RGS7: variants seen among roughly 807,000 people sequenced by gnomAD.
RGS7 encodes the protein regulator of G-protein signaling 7.
A neutral mutation model predicts 81.1 loss-of-function variants in RGS7; 27 were observed. The observed-to-expected ratio is 0.33, with a 90% CI of 0.25 to 0.46. The LOEUF is 0.46. RGS7 is among the 20% of genes least tolerant of loss of function. RGS7 has a pLI of 1.00. For missense variants in RGS7, 396 were observed against 607.4 expected (o/e 0.65, Z 3.66); for synonymous variants, 208 against 207.7 (o/e 1.00, Z -0.01).
chr1:241,043,351 A>T (rs1327539291), intron 3 of RGS7, among the ~76,000 whole-genome samples: 4 of 151,864 alleles, frequency 2.6e-5, no homozygotes, highest in African/African-American at 9.7e-5. Context: ...CTAAGGAAAA[A>T]GTCTGGATCC....
chr1:240,877,937 C>T (rs535427138), intron 6 of RGS7, among the ~76,000 whole-genome samples: 3 of 152,290 alleles, frequency 2.0e-5, no homozygotes, highest in Admixed American at 2.0e-4. Flanking sequence ...TCTGTTAAGA[C>T]ATAAGTCAGA....
intron 6 of RGS7, among the ~76,000 whole-genome samples, chr1:240,874,509 T>C (rs996619128): frequency 2.0e-5 from 3 of 152,204 alleles, no homozygotes; most frequent in African/African-American, 7.2e-5. Context: ...ATTGCTGAGA[T>C]AAAAAATTAA....
At chr1:241,033,769 A>G (rs2060201177) in intron 3 of RGS7, among the ~76,000 whole-genome samples, 1 of 152,168 alleles carries the variant, frequency 6.6e-6, no homozygotes, top group African/African-American at 2.4e-5. Flanking sequence ...ACCTTTGGGA[A>G]TCCTTAATCT....
intron 3 of RGS7, among the ~76,000 whole-genome samples, chr1:241,002,527 C>T (rs969632630): frequency 6.6e-6 from 1 of 151,188 alleles, no homozygotes; most frequent in Non-Finnish European, 1.5e-5. Flanking sequence ...GTGTATTCTT[C>T]CATGTTGTCT....
chr1:240,838,773 T>A lies in RGS7; in HGVS notation c.610-11601A>T, dbSNP rs187183558. 7.6e-3 allele frequency among the ~76,000 whole-genome samples: 1,146 copies of A among 151,182 alleles called. 9 individuals are homozygous for A. Among genetic ancestry groups the A allele is most frequent in the Middle Eastern group, 0.02 (6 of 294 alleles). On this transcript the variant is annotated intron_variant, in intron 9 of 18. Transcript: ENST00000440928. ...AGGACAATGCTTATTTTTTATTATTTTTTTTTTTTTTGAGACAGAGTCTTG... is the reference window on the plus strand; with the variant it reads ...AGGACAATGCTTATTTTTTATTATTATTTTTTTTTTTGAGACAGAGTCTTG...
chr1:240,950,548 A>T (rs1239510785), intron 4 of RGS7, among the ~76,000 whole-genome samples: 2 of 152,162 alleles, frequency 1.3e-5, no homozygotes, highest in Non-Finnish European at 2.9e-5. Context: ...GAGACAGGGG[A>T]TCTATACTTC....
intron 6 of RGS7, among the ~76,000 whole-genome samples, chr1:240,911,759 A>T (rs1167613147): frequency 6.6e-6 from 1 of 152,144 alleles, no homozygotes; most frequent in Non-Finnish European, 1.5e-5. Flanking sequence ...TTGGGTTCCA[A>T]TCCCAGCTCA....
chr1:240,980,723 G>C (rs1230591538), intron 4 of RGS7, among the ~76,000 whole-genome samples: 1 of 152,140 alleles, frequency 6.6e-6, no homozygotes, highest in African/African-American at 2.4e-5. Flanking sequence ...TACATATTCA[G>C]AACAATCATT....
chr1:241,241,970 A>G (rs1047278003), intron 2 of RGS7, among the ~76,000 whole-genome samples: 6 of 148,954 alleles, frequency 4.0e-5, no homozygotes, highest in Admixed American at 1.3e-4. Context: ...TTTGATTTTC[A>G]TAGGTTTTGG....
At chr1:241,228,484 A>G (rs2075458407) in intron 2 of RGS7, among the ~76,000 whole-genome samples, 1 of 152,254 alleles carries the variant, frequency 6.6e-6, no homozygotes, top group African/African-American at 2.4e-5. Flanking sequence ...TACTATGGGC[A>G]TTGAGCCCGC....
intron 2 of RGS7, among the ~76,000 whole-genome samples, chr1:241,281,565 T>C (rs904583166): frequency 1.3e-5 from 2 of 152,228 alleles, no homozygotes; most frequent in Non-Finnish European, 2.9e-5. Flanking sequence ...AGAAAAGTCA[T>C]GTGAGTTGCT....
intron 2 of RGS7, among the ~76,000 whole-genome samples, chr1:241,277,673 C>A (rs2078270544): frequency 6.6e-6 from 1 of 151,936 alleles, no homozygotes; most frequent in Non-Finnish European, 1.5e-5. Flanking sequence ...GTAAGCATTG[C>A]CATCCCAGGG....
intron 3 of RGS7, among the ~76,000 whole-genome samples, chr1:241,023,703 G>A (rs576012459): frequency 4.5e-4 from 69 of 152,138 alleles, no homozygotes; most frequent in African/African-American, 1.6e-3. Context: ...TTACATTGTC[G>A]AGTGCCATTT....
At chr1:240,832,279 G>A (rs377178720) in intron 9 of RGS7, among the ~76,000 whole-genome samples, 70 of 152,224 alleles carry the variant, frequency 4.6e-4, no homozygotes, top group African/African-American at 1.6e-3. Context: ...AGTATTGTTG[G>A]ATGTAAGGAA....
chr1:241,143,130 C>T (rs2068052332), intron 2 of RGS7, among the ~76,000 whole-genome samples: 2 of 152,174 alleles, frequency 1.3e-5, no homozygotes, highest in Admixed American at 6.5e-5. Flanking sequence ...CTATCACTAT[C>T]AGCGTTTTTG....
At chr1:241,048,101 C>A (rs961991937) in intron 3 of RGS7, among the ~76,000 whole-genome samples, 1 of 150,902 alleles carries the variant, frequency 6.6e-6, no homozygotes, top group African/African-American at 2.4e-5. Context: ...GGCGGGGTCA[C>A]GGGCATTATT....
intron 2 of RGS7, among the ~76,000 whole-genome samples, chr1:241,256,708 G>C (rs906541607): frequency 4.6e-5 from 7 of 152,064 alleles, no homozygotes; most frequent in African/African-American, 1.7e-4. Flanking sequence ...CAGGGAGTGA[G>C]AACAAGGTCT....
At chr1:240,989,495 G>T (rs893295965) in intron 3 of RGS7, among the ~76,000 whole-genome samples, 2 of 150,976 alleles carry the variant, frequency 1.3e-5, no homozygotes, top group Non-Finnish European at 2.9e-5. Flanking sequence ...ACCCAATCTA[G>T]AGCAAAGGCC....
intron 18 of RGS7, among the ~76,000 whole-genome samples, chr1:240,788,078 G>A (rs1319300055): frequency 1.3e-5 from 2 of 152,150 alleles, no homozygotes; most frequent in African/African-American, 4.8e-5. Flanking sequence ...TATTAAATGG[G>A]ACAACATTAG....
Sources: gnomAD v4.1 joint callset for allele counts (sites outside exome capture counted in the v4.1 genomes callset) on GRCh38, gnomAD v4.1.1 for gene constraint, MANE v1.5 for transcripts, NCBI Gene and HGNC (gene_info 2026-07-23, HGNC 2026-07-21) for gene names.